Variants in TAF11 observed in about 807,000 individuals in gnomAD.
The protein encoded by TAF11 is TATA-box binding protein associated factor 11, also known as transcription initiation factor TFIID subunit 11.
Under a neutral mutation model 23.0 loss-of-function variants are expected in TAF11, and 10 were observed. The observed-to-expected ratio is 0.43, with a 90% CI of 0.27 to 0.74. The LOEUF (loss-of-function observed/expected upper bound fraction) is 0.74. Among genes scored for constraint, TAF11 ranks in the 30% least tolerant of loss-of-function variants. TAF11 has a pLI of 0.19. For missense variants in TAF11, 196 were observed against 261.7 expected (o/e 0.75, Z 1.73); for synonymous variants, 85 against 95.8 (o/e 0.89, Z 0.66).
Position 34,877,790 on chromosome 6 carries a change from A to C in TAF11, c.*800T>G, listed in dbSNP as rs115646753. Reference sequence around the variant, plus strand: ...GAATACACCTAGGGCAAGTTGGAAAACAGTTTAATGATCACTCACCAAAAT... The same window carrying C: ...GAATACACCTAGGGCAAGTTGGAAACCAGTTTAATGATCACTCACCAAAAT... On this transcript the variant is annotated 3_prime_UTR_variant, in exon 5 of 5. Coordinates refer to ENST00000361288, the MANE Select transcript of TAF11 (RefSeq NM_005643.4). 8.5e-5 allele frequency: 13 copies of C among 152,312 alleles called. No individual in the cohort carries two copies. Among genetic ancestry groups the C allele is most frequent in the African/African-American group, 3.1e-4 (13 of 41,560 alleles). 9.4% of individuals were successfully genotyped at this position (152,312 alleles called of 1,614,324 possible).
Position 34,882,973 on chromosome 6 carries a change from C to G in TAF11, c.279G>C (p.Glu93Asp), listed in dbSNP as rs202203012. Residue 93 changes from glutamate (E) to aspartate (D), a missense_variant, in exon 2 of 5, where the codon GAG becomes GAC. Coordinates refer to ENST00000361288, the MANE Select transcript of TAF11 (RefSeq NM_005643.4). ...KLKIDTKEKK[E>D]KKQKVDEDEI... is the part of the protein sequence containing the mutation. ...CATCTTCATCTACTTTCTGCTTTTTCTCTTTCTTTTCTTTGGTATCTATTT... is the reference window on the plus strand; with the variant it reads ...CATCTTCATCTACTTTCTGCTTTTTGTCTTTCTTTTCTTTGGTATCTATTT... 5 of 1,608,914 alleles carry G rather than the reference C, an allele frequency of 3.1e-6. No individual in the cohort carries two copies. The highest frequency in any genetic ancestry group is 4.2e-6 in the Non-Finnish European group (5 of 1,178,480).
intron 1 of TAF11, among the ~76,000 whole-genome samples, chr6:34,886,992 A>G (rs1766538733): frequency 6.6e-6 from 1 of 152,046 alleles, no homozygotes; most frequent in Non-Finnish European, 1.5e-5. Context: ...GTAGCATAAA[A>G]ACACCAGACC....
intron 2 of TAF11, among the ~76,000 whole-genome samples, chr6:34,882,110 C>T (rs763417471): frequency 1.3e-5 from 2 of 150,384 alleles, no homozygotes; most frequent in South Asian, 2.1e-4. Flanking sequence ...GAGGCTGAGG[C>T]GGGCGGATCA....
At chr6:34,882,199 A>G (rs558717952) in intron 2 of TAF11, among the ~76,000 whole-genome samples, 21 of 151,156 alleles carry the variant, frequency 1.4e-4, no homozygotes, top group Non-Finnish European at 2.4e-4. Context: ...TTAGCCAGGC[A>G]TGGTGGCAGG....
rs1308116534 is a variant in TAF11, at chr6:34,877,580, T to G, written c.*1010A>C. ...GGCTTTTATATTGTTTATTTTCATC[T>G]CAGTCTTGGGGGGGGAATTATTACA... is the stretch of plus-strand genomic sequence containing the variant. On this transcript the variant is annotated 3_prime_UTR_variant, in exon 5 of 5. Transcript: ENST00000361288. 6.6e-6 allele frequency: 1 copy of G among 150,518 alleles called. No individual in the cohort carries two copies. The highest frequency in any genetic ancestry group is 1.5e-5 in the Non-Finnish European group (1 of 67,904). 9.3% of individuals were successfully genotyped at this position (150,518 alleles called of 1,614,324 possible). A position where few individuals can be genotyped will look rare whatever the true frequency, so the allele number is the denominator to read the frequency against.
At chr6:34,879,112 G>A (rs1766370000) in intron 4 of TAF11, among the ~76,000 whole-genome samples, 1 of 152,178 alleles carries the variant, frequency 6.6e-6, no homozygotes, top group Admixed American at 6.5e-5. Flanking sequence ...TGAGGCAGGA[G>A]AATCACCCGA....
chr6:34,879,734 G>A (rs1766385017), intron 4 of TAF11: 1 of 985,216 alleles, frequency 1.0e-6, no homozygotes, highest in African/African-American at 1.7e-5. Flanking sequence ...CTTTCACCCT[G>A]GGCTGAGGAA....
chr6:34,882,382 G>T (rs1213278127), intron 2 of TAF11, among the ~76,000 whole-genome samples: 2 of 147,818 alleles, frequency 1.4e-5, no homozygotes, highest in Non-Finnish European at 3.0e-5. Context: ...AGTGGCTCAT[G>T]CCTGTAATCC....
At position 34,877,627 on chromosome 6, in the gene TAF11, G is replaced by A. The variant is rs1050162494; in HGVS notation, c.*963C>T. Reference sequence around the variant, plus strand: ...TACACTGTTTTTAACAGTGCTTGAAGTACTCTTTTATGAGATAAAATTTTA... The same window carrying A: ...TACACTGTTTTTAACAGTGCTTGAAATACTCTTTTATGAGATAAAATTTTA... On this transcript the variant is annotated 3_prime_UTR_variant, in exon 5 of 5. Coordinates refer to ENST00000361288, the MANE Select transcript of TAF11 (RefSeq NM_005643.4). 1 of 152,392 alleles carries A rather than the reference G, an allele frequency of 6.6e-6. No homozygotes were observed. Among genetic ancestry groups the A allele is most frequent in the Non-Finnish European group, 1.5e-5 (1 of 68,004 alleles). The allele number at this position is 152,392 out of a possible 1,614,324, so 9.4% of individuals were successfully genotyped here.
At chr6:34,885,580 T>A (rs961658728) in intron 1 of TAF11, among the ~76,000 whole-genome samples, 1 of 152,230 alleles carries the variant, frequency 6.6e-6, no homozygotes, top group African/African-American at 2.4e-5. Flanking sequence ...AGAAACAACA[T>A]AATTTTATCC....
At position 34,880,624 on chromosome 6, in the gene TAF11, C is replaced by T. The variant is rs1433753993; in HGVS notation, c.321-248G>A. Among the ~76,000 whole-genome samples the T allele has an allele frequency of 6.6e-6, 1 of 151,868 alleles. No homozygotes were observed. The highest frequency in any genetic ancestry group is 2.4e-5 in the African/African-American group (1 of 41,102). On this transcript the variant is annotated intron_variant, in intron 2 of 4. Transcript: ENST00000361288. The surrounding 1 kb of genome is among the most constrained non-coding windows in gnomAD (Gnocchi z 4.8). ...CACTGGGTCACTGTATCGTACTACA[C>T]AGACTGTTTGCAGCATTAGACACTA... is the stretch of plus-strand genomic sequence containing the variant.
chr6:34,885,925 G>A (rs1005932407), intron 1 of TAF11, among the ~76,000 whole-genome samples: 1 of 152,170 alleles, frequency 6.6e-6, no homozygotes, highest in Non-Finnish European at 1.5e-5. Context: ...TTCAAGACCA[G>A]GCTGGGCAAC....
chr6:34,885,106 T>TG (rs35445513), intron 1 of TAF11, among the ~76,000 whole-genome samples: 4 of 55,342 alleles, frequency 7.2e-5, no homozygotes, highest in Non-Finnish European at 1.1e-4. Flanking sequence ...GTTCTTTATC[T>TG]TTTTTTTCTC....
At chr6:34,878,791 C>T in intron 4 of TAF11, 71 bp from the exon 5 acceptor site, 2 of 1,352,986 alleles carry the variant, frequency 1.5e-6, no homozygotes, top group Non-Finnish European at 2.1e-6. Flanking sequence ...CTTTTGAGTC[C>T]TGTAATTCTT....
intron 2 of TAF11, among the ~76,000 whole-genome samples, chr6:34,881,010 C>T (rs1207662752): frequency 6.6e-6 from 1 of 152,098 alleles, no homozygotes; most frequent in African/African-American, 2.4e-5. Flanking sequence ...CAAACACATG[C>T]TGGCAGAGTG....
intron 4 of TAF11, chr6:34,879,297 C>T: frequency 2.6e-6 from 2 of 770,762 alleles, no homozygotes; most frequent in South Asian, 1.2e-4. Context: ...GCAAGAGGAT[C>T]CTTTGAGCCC....
chr6:34,886,438 C>A (rs1205072092), intron 1 of TAF11, among the ~76,000 whole-genome samples: 1 of 151,840 alleles, frequency 6.6e-6, no homozygotes, highest in Non-Finnish European at 1.5e-5. Flanking sequence ...ATACTTTTGT[C>A]AAATGTTCTC....
At chr6:34,886,441 A>G (rs1017803399) in intron 1 of TAF11, among the ~76,000 whole-genome samples, 29 of 151,810 alleles carry the variant, frequency 1.9e-4, no homozygotes, top group Non-Finnish European at 4.3e-4. Flanking sequence ...CTTTTGTCAA[A>G]TGTTCTCTTT....
chr6:34,884,772 A>G (rs931393176), intron 1 of TAF11, among the ~76,000 whole-genome samples: 1 of 152,196 alleles, frequency 6.6e-6, no homozygotes, highest in Non-Finnish European at 1.5e-5. Context: ...ATCTTTGACA[A>G]TCTTTTCAAT....
Sources: allele counts gnomAD v4.1 joint callset (sites outside exome capture counted in the v4.1 genomes callset), GRCh38; gene constraint gnomAD v4.1.1; non-coding constraint Gnocchi (gnomAD v3.1); transcripts MANE v1.5; gene names NCBI Gene and HGNC (gene_info 2026-07-23, HGNC 2026-07-21).